FLI1: variants seen among roughly 807,000 people sequenced by gnomAD.
FLI1 encodes Fli-1 proto-oncogene, ETS transcription factor.
FLI1 carries 13 observed loss-of-function variants against 53.1 expected under a neutral mutation model. That is an observed-to-expected ratio of 0.24 (90% CI 0.16 to 0.39). FLI1 has a LOEUF of 0.39. FLI1 is among the 10% of genes least tolerant of loss of function. The probability of loss-of-function intolerance (pLI) is 1.00; values close to 1 mark genes in which losing one functional copy is unlikely to be tolerated. For missense variants in FLI1, 424 were observed against 600.5 expected (o/e 0.71, Z 3.07); for synonymous variants, 244 against 236.7 (o/e 1.03, Z -0.28).
At chr11:128,789,169 G>T (rs573385544) in intron 5 of FLI1, among the ~76,000 whole-genome samples, 223 of 152,300 alleles carry the variant, frequency 1.5e-3, no homozygotes, top group Middle Eastern at 3.4e-3. Context: ...GTTGGGGTGG[G>T]TGTGTGAGTT....
rs932435501 is a variant in FLI1 at position 128,807,246 on chromosome 11, G to T, written c.781+7G>T. 1 of 1,594,310 alleles carries T rather than the reference G, an allele frequency of 6.3e-7. No individual in the cohort carries two copies. Among genetic ancestry groups the T allele is most frequent in the Non-Finnish European group, 8.5e-7 (1 of 1,169,600 alleles). On this transcript the variant is annotated splice_region_variant and intron_variant, in intron 7 of 8. Transcript: ENST00000527786. ...GAGCAACGGCCCCAGCCAGGTACCTGCCCAGGATATGTAATCTCTCCTTTG... is the reference window on the plus strand; with the variant it reads ...GAGCAACGGCCCCAGCCAGGTACCTTCCCAGGATATGTAATCTCTCCTTTG...
At chr11:128,758,711 G>T (rs17137775) in intron 2 of FLI1, among the ~76,000 whole-genome samples, 7,441 of 152,292 alleles carry the variant, frequency 0.049, 440 homozygotes, top group East Asian at 0.27. Context: ...CTCTGGGCAG[G>T]TCTCAGCAGA....
chr11:128,798,929 C>A (rs1470384079), intron 5 of FLI1, among the ~76,000 whole-genome samples: 1 of 152,104 alleles, frequency 6.6e-6, no homozygotes, highest in African/African-American at 2.4e-5. Context: ...GCCATCAGCC[C>A]TCTCTGTCTT....
intron 1 of FLI1, among the ~76,000 whole-genome samples, chr11:128,708,150 C>T (rs567484549): frequency 2.0e-5 from 3 of 152,238 alleles, no homozygotes; most frequent in South Asian, 2.1e-4. Flanking sequence ...TCCCCATTGC[C>T]GTGCATGGGG....
intron 1 of FLI1, among the ~76,000 whole-genome samples, chr11:128,738,683 A>G (rs563505523): frequency 1.3e-5 from 2 of 152,342 alleles, no homozygotes; most frequent in East Asian, 3.9e-4. Flanking sequence ...CCTACCTTAA[A>G]GAGTTGCCAT....
At chr11:128,788,105 G>A (rs912160010) in intron 5 of FLI1, among the ~76,000 whole-genome samples, 6 of 151,832 alleles carry the variant, frequency 4.0e-5, no homozygotes, top group Non-Finnish European at 7.4e-5. Context: ...TATTTTTGAG[G>A]GTTTACCAGA....
chr11:128,723,729 C>T (rs930543897), intron 1 of FLI1, among the ~76,000 whole-genome samples: 6 of 152,256 alleles, frequency 3.9e-5, no homozygotes, highest in African/African-American at 1.4e-4. Flanking sequence ...TGCAATTATG[C>T]ATAAGACATG....
intron 1 of FLI1, among the ~76,000 whole-genome samples, chr11:128,730,094 A>C (rs1939632913): frequency 6.6e-6 from 1 of 152,186 alleles, no homozygotes; most frequent in African/African-American, 2.4e-5. Flanking sequence ...AAAAGTCGAA[A>C]ATCTTGAAAT....
intron 5 of FLI1, among the ~76,000 whole-genome samples, chr11:128,794,206 GAAGTTAA>G (rs1942361497): frequency 6.6e-6 from 1 of 152,178 alleles, no homozygotes; most frequent in African/African-American, 2.4e-5. Flanking sequence ...GTTCACAATA[GAAGTTAA>G]AAGTGATCCC....
In FLI1 at chr11:128,812,471, T is replaced by TG; in HGVS notation, c.*1487dup. 1 of 225,460 alleles carries TG rather than the reference T, an allele frequency of 4.4e-6. No homozygotes were observed. The highest frequency in any genetic ancestry group is 8.8e-6 in the Non-Finnish European group (1 of 113,132). The allele number at this position is 225,460 out of a possible 1,614,324, so 14.0% of individuals were successfully genotyped here. A position where few individuals can be genotyped will look rare whatever the true frequency, so the allele number is the denominator to read the frequency against. On this transcript the variant is annotated 3_prime_UTR_variant, in exon 9 of 9. Transcript: ENST00000527786. Reference sequence around the variant, plus strand: ...CCCCGTTAGGTCAAAGGGTTTTCCCTGGGGAACTTTCCTATTTACTTCTTG... The same window carrying TG: ...CCCCGTTAGGTCAAAGGGTTTTCCCTGGGGGAACTTTCCTATTTACTTCTTG...
rs1941620589 is a variant in FLI1 at position 128,772,970 on chromosome 11, A to G, written c.574A>G (p.Ser192Gly). Residue 192 changes from serine (S) to glycine (G), a missense_variant, in exon 4 of 9, where the codon AGT becomes GGT. By Grantham distance (56) the Ser-to-Gly change is moderately conservative. Coordinates refer to ENST00000527786, the MANE Select transcript of FLI1 (RefSeq NM_002017.5). The stretch of plus-strand genomic sequence containing the variant: ...CACGGAAGTGCTGTTGTCACACCTC[A>G]GTTACCTCAGGGAAAGTAAGTGCCG... ...YNTEVLLSHL[S>G]YLRESSLLAY... is the part of the protein sequence containing the mutation. 6.2e-7 allele frequency: 1 copy of G among 1,613,754 alleles called. No individual in the cohort carries two copies. Among genetic ancestry groups the G allele is most frequent in the Non-Finnish European group, 8.5e-7 (1 of 1,179,862 alleles).
chr11:128,760,903 A>T (rs1337241391), intron 2 of FLI1, among the ~76,000 whole-genome samples: 1 of 152,110 alleles, frequency 6.6e-6, no homozygotes, highest in East Asian at 1.9e-4. Context: ...GGTGCAAGCC[A>T]GCAGCACCTC....
At chr11:128,733,176 GTT>G (rs61558006) in intron 1 of FLI1, among the ~76,000 whole-genome samples, 7 of 150,696 alleles carry the variant, frequency 4.6e-5, no homozygotes, top group South Asian at 2.1e-4. Context: ...ATTGCAAGAG[GTT>G]TTTTTTTTTC....
chr11:128,795,550 T>G (rs1217041027), intron 5 of FLI1, among the ~76,000 whole-genome samples: 1 of 134,632 alleles, frequency 7.4e-6, no homozygotes, highest in Admixed American at 8.8e-5. Flanking sequence ...CGTTAGAATA[T>G]AGAAAGCAAT....
chr11:128,719,356 C>CGTGTGTGTGTGT (rs56336914), intron 1 of FLI1, among the ~76,000 whole-genome samples: 426 of 145,298 alleles, frequency 2.9e-3, no homozygotes, highest in East Asian at 6.4e-3. Context: ...CCCCTTTTCC[C>CGTGTGTGTGTGT]GTGTGTGTGT....
intron 1 of FLI1, among the ~76,000 whole-genome samples, chr11:128,724,977 T>A (rs1376233751): frequency 1.3e-5 from 2 of 152,152 alleles, no homozygotes; most frequent in African/African-American, 4.8e-5. Context: ...CCACCCAGAA[T>A]GGGGCTGACA....
At chr11:128,800,690 C>G (rs1293679874) in intron 5 of FLI1, among the ~76,000 whole-genome samples, 1 of 152,178 alleles carries the variant, frequency 6.6e-6, no homozygotes, top group Non-Finnish European at 1.5e-5. Context: ...ATCTAAGAGG[C>G]CATTTAGTGT....
Position 128,695,141 on chromosome 11 carries a change from G to C in FLI1, c.18+865G>C, listed in dbSNP as rs567140640. 4.6e-5 allele frequency among the ~76,000 whole-genome samples: 7 copies of C among 152,278 alleles called. No homozygotes were observed. In the East Asian group the frequency reaches 1.2e-3, roughly 25 times the overall value. On this transcript the variant is annotated intron_variant, in intron 1 of 8. Transcript: ENST00000527786. ...GGCTGTGAGCCCGCGCCCCGCGCCC[G>C]CCCGGCCATTCCCACCCCAGCCGCC...
chr11:128,748,699 G>A (rs1460566254), intron 1 of FLI1, among the ~76,000 whole-genome samples: 2 of 152,152 alleles, frequency 1.3e-5, no homozygotes, highest in Non-Finnish European at 2.9e-5. Flanking sequence ...GGCAGATTTG[G>A]CTGTGTGCTA....
Sources: allele counts gnomAD v4.1 joint callset (sites outside exome capture counted in the v4.1 genomes callset), GRCh38; gene constraint gnomAD v4.1.1; transcripts MANE v1.5; gene names NCBI Gene and HGNC (gene_info 2026-07-23, HGNC 2026-07-21).